The following BRWD3 variants were observed in gnomAD, a reference collection of about 807,000 sequenced individuals.
BRWD3 encodes bromodomain and WD repeat-containing protein 3.
BRWD3 carries 10 observed loss-of-function variants against 149.7 expected under a neutral mutation model. The observed-to-expected ratio is 0.07, with a 90% CI of 0.04 to 0.11. BRWD3 has a LOEUF of 0.11. BRWD3 is among the 10% of genes least tolerant of loss of function. BRWD3 has a pLI of 1.00. For missense variants in BRWD3, 940 were observed against 1,373.2 expected (o/e 0.68, Z 4.99); for synonymous variants, 504 against 456.7 (o/e 1.10, Z -1.32).
chrX:80,809,732 AGAGAAGAG>A lies in BRWD3; in HGVS notation c.-269_-262del. On this transcript the variant is annotated 5_prime_UTR_variant, in exon 1 of 41. Coordinates refer to ENST00000373275, the MANE Select transcript of BRWD3 (RefSeq NM_153252.5). ...GAGAGTGAGTGAGTGAGAGAGAGAGAGAGAAGAGAGAGAGAGAGAGAGGAAAAAGAGAG... is the reference window on the plus strand; with the variant it reads ...GAGAGTGAGTGAGTGAGAGAGAGAGAAGAGAGAGAGAGAGGAAAAAGAGAG... The A allele has an allele frequency of 5.3e-6, 1 of 187,005 alleles. No homozygotes were observed. Among genetic ancestry groups the A allele is most frequent in the Non-Finnish European group, 9.9e-6 (1 of 100,970 alleles). The allele number at this position is 187,005 out of a possible 1,213,427, so 15.4% of individuals were successfully genotyped here. A position where few individuals can be genotyped will look rare whatever the true frequency, so the allele number is the denominator to read the frequency against.
chrX:80,754,973 A>T lies in BRWD3; in HGVS notation c.431-9244T>A, dbSNP rs1301431798. On this transcript the variant is annotated intron_variant, in intron 6 of 40. Coordinates refer to ENST00000373275, the MANE Select transcript of BRWD3 (RefSeq NM_153252.5). ...CAGTAAGCCGAGATGGCGCCACTGG[A>T]CTCCAGCCTGGGCAACAGAGCGAAA... Among the ~76,000 whole-genome samples the T allele has an allele frequency of 3.6e-5, 4 of 111,091 alleles. No homozygotes were observed. The Admixed American group carries it at 3.9e-4, about 11-fold the overall frequency.
intron 34 of BRWD3, 132 bp from the exon 35 acceptor site, chrX:80,687,135 TTTTAG>T: frequency 2.1e-6 from 1 of 479,105 alleles, no homozygotes; most frequent in South Asian, 7.9e-5. Context: ...GCAGCTGCTA[TTTTAG>T]TTTCTTAGTT....
chrX:80,740,205 C>T (rs2073465660), intron 8 of BRWD3, among the ~76,000 whole-genome samples: 1 of 111,515 alleles, frequency 9.0e-6, no homozygotes, highest in Non-Finnish European at 1.9e-5. Context: ...CTTATTATTT[C>T]CTAAAGAATA....
intron 6 of BRWD3, among the ~76,000 whole-genome samples, chrX:80,755,887 A>C (rs1173286251): frequency 8.9e-6 from 1 of 112,068 alleles, no homozygotes; most frequent in Non-Finnish European, 1.9e-5. Context: ...CAACTATGTA[A>C]ATTTATGCAC....
chrX:80,802,504 C>G (rs1379764262), intron 4 of BRWD3, among the ~76,000 whole-genome samples: 2 of 104,346 alleles, frequency 1.9e-5, no homozygotes, highest in African/African-American at 3.5e-5. Context: ...GATATCTCAT[C>G]GACTAAGAAA....
At chrX:80,757,075 G>C (rs538944749) in intron 6 of BRWD3, among the ~76,000 whole-genome samples, 1 of 111,606 alleles carries the variant, frequency 9.0e-6, no homozygotes, top group Non-Finnish European at 1.9e-5. Flanking sequence ...TCACTATAAT[G>C]GCATCATTAC....
chrX:80,736,704 A>G (rs867782668), intron 8 of BRWD3, among the ~76,000 whole-genome samples: 1 of 94,046 alleles, frequency 1.1e-5, no homozygotes, highest in Admixed American at 1.1e-4. Flanking sequence ...GTTAAAAAAA[A>G]AAAGTTGTCA....
chrX:80,695,855 GTTAC>G (rs1245347154), intron 27 of BRWD3, 49 bp downstream of exon 27: 36 of 1,006,223 alleles, frequency 3.6e-5, no homozygotes, highest in Non-Finnish European at 4.5e-5. Context: ...CAGTTAAAAA[GTTAC>G]TTACTGTACA....
intron 6 of BRWD3, among the ~76,000 whole-genome samples, chrX:80,751,126 T>C (rs145969897): frequency 0.016 from 1,769 of 111,190 alleles, 18 homozygotes; most frequent in Middle Eastern, 0.064. Context: ...GGGGAGATGC[T>C]GATCAAAGGG....
chrX:80,772,402 G>A (rs1004580889), intron 6 of BRWD3, among the ~76,000 whole-genome samples: 2 of 111,080 alleles, frequency 1.8e-5, no homozygotes, highest in Non-Finnish European at 3.8e-5. Context: ...CTCACTCATA[G>A]GTGGGAATTG....
At chrX:80,794,342 C>T (rs1299634919) in intron 4 of BRWD3, among the ~76,000 whole-genome samples, 1 of 108,143 alleles carries the variant, frequency 9.2e-6, no homozygotes, top group African/African-American at 3.4e-5. Context: ...CCCATCTCTA[C>T]AAAAAATACA....
intron 6 of BRWD3, among the ~76,000 whole-genome samples, chrX:80,764,178 C>T (rs777742526): frequency 3.6e-5 from 4 of 112,363 alleles, no homozygotes; most frequent in Admixed American, 9.4e-5. Flanking sequence ...GAATAATGAA[C>T]GTTGACCTAA....
intron 6 of BRWD3, among the ~76,000 whole-genome samples, chrX:80,790,397 C>T (rs926949036): frequency 3.6e-5 from 4 of 110,135 alleles, no homozygotes; most frequent in Non-Finnish European, 7.6e-5. Context: ...ATAACTTAAA[C>T]TTAAGCATCT....
At chrX:80,715,007 T>A (rs1486736855) in intron 20 of BRWD3, among the ~76,000 whole-genome samples, 2 of 111,937 alleles carry the variant, frequency 1.8e-5, no homozygotes, top group Non-Finnish European at 3.8e-5. Flanking sequence ...TGATATTCCA[T>A]TTAGCTAAGC....
intron 5 of BRWD3, 87 bp from the exon 6 acceptor site, chrX:80,792,039 A>T: frequency 1.8e-6 from 1 of 569,683 alleles, no homozygotes; most frequent in Non-Finnish European, 2.9e-6. Context: ...TTTTAATTTA[A>T]TTTGTTGGAA....
At chrX:80,744,402 CAAGTATA>C (rs1229866669) in intron 7 of BRWD3, 149 bp from the exon 8 acceptor site, 2 of 469,554 alleles carry the variant, frequency 4.3e-6, no homozygotes, top group African/African-American at 4.8e-5. Flanking sequence ...GATCCAGTAG[CAAGTATA>C]AATGATGTCC....
chrX:80,734,714 GAA>G (rs368052420), intron 10 of BRWD3, among the ~76,000 whole-genome samples: 1 of 100,842 alleles, frequency 9.9e-6, no homozygotes, highest in Non-Finnish European at 2.0e-5. Context: ...TCAAAAAAAG[GAA>G]AAAAAAAAAG....
chrX:80,709,631 C>T (rs1035006526), intron 20 of BRWD3, 54 bp from the exon 21 acceptor site: 103 of 1,118,276 alleles, frequency 9.2e-5, no homozygotes, highest in Non-Finnish European at 1.2e-4. Flanking sequence ...AGTAAACACA[C>T]AAGGAACATA....
chrX:80,714,548 C>T (rs945329157), intron 20 of BRWD3, among the ~76,000 whole-genome samples: 20 of 111,405 alleles, frequency 1.8e-4, no homozygotes, highest in African/African-American at 6.5e-4. Context: ...TGCTTTTCTG[C>T]ACCAAACCAG....
Sources: gnomAD v4.1 joint callset for allele counts (sites outside exome capture counted in the v4.1 genomes callset) on GRCh38, gnomAD v4.1.1 for gene constraint, MANE v1.5 for transcripts, NCBI Gene and HGNC (gene_info 2026-07-23, HGNC 2026-07-21) for gene names.